The following ZNF567 variants were observed in gnomAD, a reference collection of about 807,000 sequenced individuals.
ZNF567 encodes zinc finger protein 567.
In ZNF567, 36 loss-of-function variants were observed where a neutral mutation model predicts 53.9. That is an observed-to-expected ratio of 0.67 (90% CI 0.51 to 0.88). The LOEUF is 0.88. Ranked by LOEUF, ZNF567 falls within the 40% of genes least tolerant of loss-of-function variation. The pLI, the probability that ZNF567 is intolerant of heterozygous loss-of-function variation, is 0.00. For missense variants in ZNF567, 619 were observed against 764.7 expected (o/e 0.81, Z 2.25); for synonymous variants, 224 against 260.4 (o/e 0.86, Z 1.35).
intron 5 of ZNF567, 141 bp downstream of exon 5, chr19:36,713,008 A>T (rs2039868320): frequency 3.1e-6 from 2 of 647,370 alleles, no homozygotes; most frequent in South Asian, 2.3e-5. Context: ...TGCCTATAAA[A>T]CTCAAAACCA....
intron 2 of ZNF567, among the ~76,000 whole-genome samples, chr19:36,693,133 A>T (rs1465830532): frequency 6.6e-6 from 1 of 152,054 alleles, no homozygotes; most frequent in Non-Finnish European, 1.5e-5. Context: ...ACCAAAAAAA[A>T]AAAAGTTAGC....
rs1203367656 is a variant in ZNF567, at chr19:36,694,855, A to G, written c.-13A>G. On this transcript the variant is annotated 5_prime_UTR_variant, in exon 3 of 6. Transcript: ENST00000682579. ...AAAGGAAGGACTGGTCATCTCTTTC[A>G]TATCTCAAAACCATGGCTCAGGTAA... The G allele has an allele frequency of 2.0e-6, 3 of 1,523,962 alleles. No individual in the cohort carries two copies. The highest frequency in any genetic ancestry group is 2.5e-5 in the East Asian group (1 of 40,584). 94.4% of individuals were successfully genotyped at this position (1,523,962 alleles called of 1,614,324 possible).
intron 2 of ZNF567, among the ~76,000 whole-genome samples, chr19:36,691,645 C>G (rs570600409): frequency 6.6e-6 from 1 of 152,168 alleles, no homozygotes; most frequent in Non-Finnish European, 1.5e-5. Context: ...ACACTTCTAG[C>G]CCCCATCCAA....
chr19:36,721,689 T>C (rs535625288), downstream of ZNF567, among the ~76,000 whole-genome samples: 1 of 151,826 alleles, frequency 6.6e-6, no homozygotes, highest in East Asian at 1.9e-4. Flanking sequence ...GAAAGGGACA[T>C]TGAGAAGGGA....
chr19:36,688,191 TC>T (rs1166598333), intron 1 of ZNF567, among the ~76,000 whole-genome samples: 1 of 152,138 alleles, frequency 6.6e-6, no homozygotes, highest in Non-Finnish European at 1.5e-5. Context: ...TTGTAGAAGT[TC>T]TGTGAAATTG....
chr19:36,717,865 C>G (rs919707632), intron 5 of ZNF567, among the ~76,000 whole-genome samples: 10 of 152,104 alleles, frequency 6.6e-5, no homozygotes, highest in Non-Finnish European at 1.5e-4. Flanking sequence ...AGGATGTAAG[C>G]CAGTCTTAAA....
At chr19:36,685,173 A>G (rs772324072), upstream of ZNF567, among the ~76,000 whole-genome samples, 2 of 152,198 alleles carry the variant, frequency 1.3e-5, no homozygotes, top group Non-Finnish European at 2.9e-5. Flanking sequence ...CTGTAGTCTC[A>G]GCTACTCGGA....
At chr19:36,715,511 T>TAA (rs1295505340) in intron 5 of ZNF567, among the ~76,000 whole-genome samples, 5,658 of 36,342 alleles carry the variant, frequency 0.16, 135 homozygotes, top group Non-Finnish European at 0.19. Flanking sequence ...ATAATAATAA[T>TAA]TATTATTATT....
the ZNF567 span, among the ~76,000 whole-genome samples, chr19:36,680,616 C>G: frequency 2.0e-5 from 3 of 152,194 alleles, no homozygotes; most frequent in African/African-American, 7.2e-5. Context: ...TTACCACAAA[C>G]TTGGTAGCTT....
chr19:36,674,691 C>T, the ZNF567 span, among the ~76,000 whole-genome samples: 3 of 152,158 alleles, frequency 2.0e-5, no homozygotes, highest in Admixed American at 6.5e-5. Context: ...TTTTTTTTAA[C>T]ATAAGAGAAA....
the ZNF567 span, among the ~76,000 whole-genome samples, chr19:36,677,602 A>G: frequency 6.6e-6 from 1 of 151,466 alleles, no homozygotes; most frequent in African/African-American, 2.4e-5. Flanking sequence ...CCCCATCTCT[A>G]CTAAAAATAC....
At position 36,712,370 on chromosome 19, in the gene ZNF567, G is replaced by T. The variant is rs766619260; in HGVS notation, c.10-16G>T. 4 of 1,611,612 alleles carry T rather than the reference G, an allele frequency of 2.5e-6. No individual in the cohort carries two copies. In the Admixed American group the frequency reaches 5.0e-5, roughly 20 times the overall value. On this transcript the variant is annotated splice_polypyrimidine_tract_variant and intron_variant, in intron 3 of 5. Coordinates refer to ENST00000682579, the MANE Select transcript of ZNF567 (RefSeq NM_001322917.1). ...GCTAAGTCCACCTGTTCTGATTACA[G>T]TTCCATCCATTCTAGGGATCAGTGT...
chr19:36,707,994 C>T (rs1329519001), intron 3 of ZNF567, among the ~76,000 whole-genome samples: 1 of 152,156 alleles, frequency 6.6e-6, no homozygotes, highest in African/African-American at 2.4e-5. Context: ...CTCCTGGGCT[C>T]AAGCGATCCC....
rs142388351 is a variant in ZNF567, at chr19:36,720,385, T to C, written c.1661T>C (p.Ile554Thr). ...QKATLTVHQK[I>T]HTGQKSYECP... The stretch of plus-strand genomic sequence containing the variant: ...GCAACCCTCACTGTACATCAGAAAA[T>C]ACATACCGGCCAGAAATCCTATGAA... The change falls in exon 6 of 6, where the codon ATA becomes ACA. Residue 554 changes from isoleucine (I) to threonine (T), a missense_variant. By Grantham distance (89) the Ile-to-Thr change is moderately conservative. Transcript: ENST00000682579. 1.7e-4 allele frequency: 278 copies of C among 1,613,540 alleles called. No homozygotes were observed. The African/African-American group carries it at 3.3e-3, about 19-fold the overall frequency.
chr19:36,720,894 TC>T lies in ZNF567; in HGVS notation c.*228del. ...GCTAAATTTTAAAGTCAACTGCTCT[TC>T]CTACTGACTCAAATAGTTTATTTTT... is the stretch of plus-strand genomic sequence containing the variant. On this transcript the variant is annotated 3_prime_UTR_variant, in exon 6 of 6. Coordinates refer to ENST00000682579, the MANE Select transcript of ZNF567 (RefSeq NM_001322917.1). 3.0e-6 allele frequency: 1 copy of T among 332,576 alleles called. No individual in the cohort carries two copies. Among genetic ancestry groups the T allele is most frequent in the Non-Finnish European group, 5.4e-6 (1 of 185,336 alleles). 20.6% of individuals were successfully genotyped at this position (332,576 alleles called of 1,614,324 possible).
chr19:36,695,767 G>C (rs987238809), intron 3 of ZNF567, among the ~76,000 whole-genome samples: 6 of 151,778 alleles, frequency 4.0e-5, no homozygotes, highest in African/African-American at 2.4e-5. Context: ...AGCTATGCAG[G>C]GACAAAAATG....
At chr19:36,668,883 C>T in the ZNF567 span, 1 of 152,272 alleles carries the variant, frequency 6.6e-6, no homozygotes, top group South Asian at 2.1e-4. Context: ...AAATATATGA[C>T]GTACAGCTGG....
chr19:36,726,982 T>TTC (rs375360156), downstream of ZNF567: 57 of 55,404 alleles, frequency 1.0e-3, no homozygotes, highest in East Asian at 0.017. Context: ...CTTTCTTTCT[T>TTC]TTTCTTTCTT....
chr19:36,704,609 A>C (rs1290503023), intron 3 of ZNF567, among the ~76,000 whole-genome samples: 2 of 152,150 alleles, frequency 1.3e-5, no homozygotes, highest in East Asian at 3.9e-4. Context: ...TTATATATTA[A>C]ATATGATGAA....
Sources: allele counts gnomAD v4.1 joint callset (sites outside exome capture counted in the v4.1 genomes callset), GRCh38; gene constraint gnomAD v4.1.1; transcripts MANE v1.5; gene names NCBI Gene and HGNC (gene_info 2026-07-23, HGNC 2026-07-21).